Variants in FBXW7 observed in about 807,000 individuals in gnomAD.
FBXW7 encodes the protein F-box and WD repeat domain containing 7.
A neutral mutation model predicts 86.3 loss-of-function variants in FBXW7; 11 were observed. The ratio of observed to expected loss-of-function variants is 0.13; its 90% CI spans 0.08 to 0.21. The LOEUF is 0.21. Among genes scored for constraint, FBXW7 ranks in the 10% least tolerant of loss-of-function variants. The pLI, the probability that FBXW7 is intolerant of heterozygous loss-of-function variation, is 1.00. For missense variants in FBXW7, 488 were observed against 847.4 expected (o/e 0.58, Z 5.27); for synonymous variants, 313 against 297.9 (o/e 1.05, Z -0.52).
Position 152,325,989 on chromosome 4 carries a change from G to A in FBXW7, c.1644+17C>T, listed in dbSNP as rs2126491333. On this transcript the variant is annotated intron_variant, in intron 12 of 13. Transcript: ENST00000281708. ...ATTCATCAGGAGAGCATTTAAGGGA[G>A]AGATAAGAGATCTTACCTGTAATGA... 6.3e-7 allele frequency: 1 copy of A among 1,584,796 alleles called. No individual in the cohort carries two copies. The highest frequency in any genetic ancestry group is 8.7e-7 in the Non-Finnish European group (1 of 1,153,718).
At chr4:152,527,487 A>G (rs1579440066) in intron 2 of FBXW7, among the ~76,000 whole-genome samples, 1 of 152,172 alleles carries the variant, frequency 6.6e-6, no homozygotes. Flanking sequence ...ACACACTCTG[A>G]CCGGGCACTG....
At chr4:152,430,319 G>A (rs536295776) in intron 2 of FBXW7, among the ~76,000 whole-genome samples, 1 of 152,160 alleles carries the variant, frequency 6.6e-6, no homozygotes, top group Non-Finnish European at 1.5e-5. Flanking sequence ...AGGGTGTTTT[G>A]AAGTTTGAGA....
chr4:152,505,465 TA>T, intron 2 of FBXW7, among the ~76,000 whole-genome samples: 1 of 152,336 alleles, frequency 6.6e-6, no homozygotes. Flanking sequence ...TAAAGCTATA[TA>T]AAAATATTTT....
chr4:152,382,087 A>T, intron 4 of FBXW7: 1 of 728,790 alleles, frequency 1.4e-6, no homozygotes, highest in Non-Finnish European at 2.1e-6. Flanking sequence ...TGATAGTTTT[A>T]ATTTTAAATA....
At chr4:152,467,213 G>A (rs75913863) in intron 2 of FBXW7, among the ~76,000 whole-genome samples, 2,078 of 152,232 alleles carry the variant, frequency 0.014, 26 homozygotes, top group Middle Eastern at 0.037. Context: ...TCATGGGGAT[G>A]ATGACCTCCA....
At position 152,411,746 on chromosome 4, in the gene FBXW7, T is replaced by C. The variant is rs115679616; in HGVS notation, c.58A>G (p.Arg20Gly). Residue 20 changes from arginine to glycine, a missense_variant, in exon 4 of 14, where the codon AGA becomes GGA. Transcript: ENST00000281708. ...ACCTGGCTTGAGGAAGGGTTACCTC[T>C]CAGAGAGCCTCCAGTTCGTCGTCTT... is the stretch of plus-strand genomic sequence containing the variant. Reference protein sequence around the residue: ...SKRRRTGGSLRGNPSSSQVDE... With the variant: ...SKRRRTGGSLGGNPSSSQVDE... 1.1e-4 allele frequency: 175 copies of C among 1,613,580 alleles called. No homozygotes were observed. The African/African-American group carries it at 2.3e-3, about 21-fold the overall frequency.
At chr4:152,350,559 C>G (rs1400105813) in intron 4 of FBXW7, among the ~76,000 whole-genome samples, 1 of 151,454 alleles carries the variant, frequency 6.6e-6, no homozygotes, top group Non-Finnish European at 1.5e-5. Context: ...ATTGTAAAAT[C>G]AGAAATAATT....
Position 152,472,298 on chromosome 4 carries a change from C to T in FBXW7, c.-119-59769G>A, listed in dbSNP as rs562568071. Among the ~76,000 whole-genome samples the T allele has an allele frequency of 3.3e-5, 5 of 152,256 alleles. No individual in the cohort carries two copies. The East Asian group carries it at 5.8e-4, about 18-fold the overall frequency. Reference sequence around the variant, plus strand: ...CTAAGTGATACTACCCCTGAGCATACACTCAATGGAAATGTGTACATATAT... The same window carrying T: ...CTAAGTGATACTACCCCTGAGCATATACTCAATGGAAATGTGTACATATAT... On this transcript the variant is annotated intron_variant, in intron 2 of 13. Transcript: ENST00000281708.
In FBXW7 at chr4:152,320,582, T is replaced by C. The variant is rs1341725038; in HGVS notation, c.*2299A>G. The C allele has an allele frequency of 2.0e-5, 3 of 151,906 alleles. No homozygotes were observed. Among genetic ancestry groups the C allele is most frequent in the African/African-American group, 7.3e-5 (3 of 41,344 alleles). 9.4% of individuals were successfully genotyped at this position (151,906 alleles called of 1,614,324 possible). On this transcript the variant is annotated 3_prime_UTR_variant, in exon 14 of 14. Coordinates refer to ENST00000281708, the MANE Select transcript of FBXW7 (RefSeq NM_001349798.2). The stretch of plus-strand genomic sequence containing the variant: ...AACTTTATTTTTTCCCCTTACATCA[T>C]AAAATTTAGATTTTATAAAATTTAG...
intron 2 of FBXW7, among the ~76,000 whole-genome samples, chr4:152,452,374 T>C (rs1231742517): frequency 1.3e-5 from 2 of 152,216 alleles, no homozygotes; most frequent in African/African-American, 4.8e-5. Flanking sequence ...GCGTTGGTCA[T>C]TAAAAGGACT....
intron 2 of FBXW7, among the ~76,000 whole-genome samples, chr4:152,476,205 T>C (rs1744377987): frequency 6.6e-6 from 1 of 152,070 alleles, no homozygotes; most frequent in Non-Finnish European, 1.5e-5. Flanking sequence ...TTGACAAAGG[T>C]AAAAAGGCAG....
chr4:152,518,520 C>T (rs947770458), intron 2 of FBXW7, among the ~76,000 whole-genome samples: 10 of 152,214 alleles, frequency 6.6e-5, no homozygotes, highest in Admixed American at 4.6e-4. Context: ...TGGTCTCCAA[C>T]TCCCGGCCTA....
intron 11 of FBXW7, 102 bp from the exon 12 acceptor site, chr4:152,326,333 G>GT: frequency 1.6e-6 from 1 of 644,244 alleles, no homozygotes; most frequent in Non-Finnish European, 2.5e-6. Flanking sequence ...AGGTTTTTTA[G>GT]CTTTTTTTTT....
intron 4 of FBXW7, among the ~76,000 whole-genome samples, chr4:152,403,735 C>T (rs898060905): frequency 3.9e-5 from 6 of 152,192 alleles, no homozygotes; most frequent in Admixed American, 6.5e-5. Flanking sequence ...TGACAGGAGG[C>T]GGAGCACAGG....
intron 4 of FBXW7, among the ~76,000 whole-genome samples, chr4:152,374,228 C>T (rs1303277723): frequency 1.3e-5 from 2 of 151,942 alleles, no homozygotes; most frequent in African/African-American, 2.4e-5. Flanking sequence ...TTGCTCATAC[C>T]ACCACCCTAT....
At chr4:152,405,867 A>G (rs1737380834) in intron 4 of FBXW7, among the ~76,000 whole-genome samples, 1 of 152,228 alleles carries the variant, frequency 6.6e-6, no homozygotes, top group Non-Finnish European at 1.5e-5. Flanking sequence ...GGAGGCAAAT[A>G]AAAACTTGGT....
At position 152,412,461 on chromosome 4, in the gene FBXW7, A is replaced by G. The variant is rs1434996170; in HGVS notation, c.-70+19T>C. On this transcript the variant is annotated intron_variant, in intron 3 of 13. Coordinates refer to ENST00000281708, the MANE Select transcript of FBXW7 (RefSeq NM_001349798.2). Reference sequence around the variant, plus strand: ...ATGAACAAAAAATTTATTTAAAAAAAAAGTTCATAAGTTCATACCCTCTGA... The same window carrying G: ...ATGAACAAAAAATTTATTTAAAAAAGAAGTTCATAAGTTCATACCCTCTGA... 6.6e-6 allele frequency: 1 copy of G among 151,958 alleles called. No individual in the cohort carries two copies. The highest frequency in any genetic ancestry group is 1.5e-5 in the Non-Finnish European group (1 of 67,932). 9.4% of individuals were successfully genotyped at this position (151,958 alleles called of 1,614,324 possible).
chr4:152,438,918 A>G (rs953914384), intron 2 of FBXW7, among the ~76,000 whole-genome samples: 3 of 152,220 alleles, frequency 2.0e-5, no homozygotes, highest in Non-Finnish European at 4.4e-5. Context: ...CTTTCCTATT[A>G]AGACATGTTC....
intron 2 of FBXW7, among the ~76,000 whole-genome samples, chr4:152,524,746 A>G (rs546591332): frequency 6.6e-6 from 1 of 152,160 alleles, no homozygotes; most frequent in South Asian, 2.1e-4. Flanking sequence ...CCGCTCATTT[A>G]TTTTAAAAAA....
Sources: allele counts gnomAD v4.1 joint callset (sites outside exome capture counted in the v4.1 genomes callset), GRCh38; gene constraint gnomAD v4.1.1; transcripts MANE v1.5; gene names NCBI Gene and HGNC (gene_info 2026-07-23, HGNC 2026-07-21).